The following LAMA2 variants were observed in gnomAD, a reference collection of about 807,000 sequenced individuals.
The protein encoded by LAMA2 is laminin subunit alpha-2.
LAMA2 carries 269 observed loss-of-function variants against 364.8 expected under a neutral mutation model. The observed-to-expected ratio is 0.74, with a 90% CI of 0.67 to 0.82. The LOEUF is 0.82. Ranked by LOEUF, LAMA2 falls within the 40% of genes least tolerant of loss-of-function variation. The pLI is 0.00. For missense variants in LAMA2, 3,807 were observed against 3,873.2 expected (o/e 0.98, Z 0.45); for synonymous variants, 1,379 against 1,370.6 (o/e 1.01, Z -0.14).
At chr6:128,899,616 A>T (rs547010506) in intron 1 of LAMA2, among the ~76,000 whole-genome samples, 4 of 152,218 alleles carry the variant, frequency 2.6e-5, no homozygotes, top group African/African-American at 9.6e-5. Flanking sequence ...TTTCCCCCTG[A>T]TCCTTTTATA....
At chr6:129,330,418 C>A (rs1775560455) in intron 29 of LAMA2, among the ~76,000 whole-genome samples, 2 of 151,644 alleles carry the variant, frequency 1.3e-5, no homozygotes, top group South Asian at 4.2e-4. Flanking sequence ...CCTTTAAATA[C>A]CCCACATCAT....
intron 27 of LAMA2, 34 bp downstream of exon 27, chr6:129,316,205 T>C (rs777679192): frequency 6.4e-7 from 1 of 1,553,172 alleles, no homozygotes; most frequent in Non-Finnish European, 8.9e-7. Context: ...AAGCTCTTAT[T>C]TTAGAGTCTG....
At chr6:128,932,520 G>A (rs11961488) in intron 1 of LAMA2, among the ~76,000 whole-genome samples, 19,411 of 152,048 alleles carry the variant, frequency 0.13, 1,558 homozygotes, top group African/African-American at 0.23. Flanking sequence ...TAAGTTCTAA[G>A]TTTCACTGTA....
Position 129,328,292 on chromosome 6 carries a change from A to T in LAMA2, c.4191A>T (p.Gly1397=). 1.9e-6 allele frequency: 3 copies of T among 1,613,980 alleles called. No individual in the cohort carries two copies. Among genetic ancestry groups the T allele is most frequent in the Non-Finnish European group, 2.5e-6 (3 of 1,179,980 alleles). ...TTTTCTTTCAGGCATGCTTGCCGGG[A>T]TTTTATCGACTGCGTTCTCAACCAG... is the stretch of plus-strand genomic sequence containing the variant. ...SGLSCEACLP[G]FYRLRSQPGG... is the part of the protein sequence containing the mutation. The change falls in exon 29 of 65, where the codon GGA becomes GGT. Residue 1397 remains glycine (G), a synonymous_variant. Coordinates refer to ENST00000421865, the MANE Select transcript of LAMA2 (RefSeq NM_000426.4).
chr6:129,180,850 G>A (rs1252597272), intron 10 of LAMA2, among the ~76,000 whole-genome samples: 1 of 152,096 alleles, frequency 6.6e-6, no homozygotes, highest in Non-Finnish European at 1.5e-5. Flanking sequence ...TGGAGGGTGG[G>A]AGACAAGTCT....
chr6:129,090,568 C>A (rs1435421626), intron 3 of LAMA2, among the ~76,000 whole-genome samples: 1 of 152,132 alleles, frequency 6.6e-6, no homozygotes, highest in East Asian at 1.9e-4. Context: ...TTCCTTGCAA[C>A]TTATTTTTTT....
intron 40 of LAMA2, among the ~76,000 whole-genome samples, chr6:129,418,828 A>G (rs974122613): frequency 5.3e-5 from 8 of 152,144 alleles, no homozygotes; most frequent in African/African-American, 1.9e-4. Flanking sequence ...TATAATAAAT[A>G]TAGTTTCCAA....
At chr6:129,187,106 A>G (rs747390882) in intron 10 of LAMA2, among the ~76,000 whole-genome samples, 1 of 151,846 alleles carries the variant, frequency 6.6e-6, no homozygotes, top group Non-Finnish European at 1.5e-5. Flanking sequence ...GCTGGGAATC[A>G]AAAAACTTTA....
chr6:129,226,867 G>T lies in LAMA2; in HGVS notation c.1783-23245G>T, dbSNP rs191070590. Reference sequence around the variant, plus strand: ...GGCATTCTCTGTGTTTCCTGAATTTGAATGTTGGCCTGCCTTGCTAGGTTG... The same window carrying T: ...GGCATTCTCTGTGTTTCCTGAATTTTAATGTTGGCCTGCCTTGCTAGGTTG... On this transcript the variant is annotated intron_variant, in intron 12 of 64. Transcript: ENST00000421865. Among the ~76,000 whole-genome samples, 454 of 152,228 alleles carry T rather than the reference G, an allele frequency of 3.0e-3. 1 individual carries two copies. The highest frequency in any genetic ancestry group is 0.011 in the African/African-American group (443 of 41,552).
chr6:129,383,425 A>G (rs1583621186), intron 35 of LAMA2, among the ~76,000 whole-genome samples, 192 bp downstream of exon 35: 1 of 152,352 alleles, frequency 6.6e-6, no homozygotes, highest in East Asian at 1.9e-4. Context: ...GTGTTAAATT[A>G]GCGACAATAG....
intron 22 of LAMA2, among the ~76,000 whole-genome samples, chr6:129,306,760 TTTTTA>T (rs1226057711): frequency 6.6e-6 from 1 of 152,118 alleles, no homozygotes; most frequent in Admixed American, 6.5e-5. Context: ...TTGAGTCTAT[TTTTTA>T]TTTTAAACAT....
intron 62 of LAMA2, 139 bp from the exon 63 acceptor site, chr6:129,512,224 C>A: frequency 3.9e-6 from 3 of 766,880 alleles, no homozygotes; most frequent in Non-Finnish European, 6.4e-6. Context: ...ATAGGCCAGG[C>A]AGGATCTGAA....
At position 129,063,648 on chromosome 6, in the gene LAMA2, C is replaced by A. The variant is rs150068113; in HGVS notation, c.396+3752C>A. 4.9e-4 allele frequency among the ~76,000 whole-genome samples: 75 copies of A among 152,266 alleles called. 1 individual carries two copies. Among genetic ancestry groups the A allele is most frequent in the African/African-American group, 1.7e-3 (69 of 41,572 alleles). ...TCTCCTCAATAAGCAATTCACTTCT[C>A]TTCCTGGTCTATCCCTCAAAACTAA... On this transcript the variant is annotated intron_variant, in intron 3 of 64. Coordinates refer to ENST00000421865, the MANE Select transcript of LAMA2 (RefSeq NM_000426.4).
At chr6:129,430,684 G>T (rs1227823793) in intron 41 of LAMA2, among the ~76,000 whole-genome samples, 3 of 152,030 alleles carry the variant, frequency 2.0e-5, no homozygotes, top group African/African-American at 7.3e-5. Flanking sequence ...ATTTTTTAAG[G>T]CCGGGCGCAG....
rs28815524 is a variant in LAMA2, at chr6:129,169,109, G to A, written c.1306+3434G>A. On this transcript the variant is annotated intron_variant, in intron 9 of 64. Coordinates refer to ENST00000421865, the MANE Select transcript of LAMA2 (RefSeq NM_000426.4). ...ATATACAATCATGTCGTCTGCAAAC[G>A]GGGACAATTTGACTTCCTCTTTTCC... is the stretch of plus-strand genomic sequence containing the variant. 3.8e-3 allele frequency among the ~76,000 whole-genome samples: 575 copies of A among 151,580 alleles called. 3 individuals are homozygous for A. Among genetic ancestry groups the A allele is most frequent in the African/African-American group, 0.012 (504 of 41,022 alleles).
chr6:128,946,307 C>A (rs1205212168), intron 1 of LAMA2, among the ~76,000 whole-genome samples: 1 of 152,140 alleles, frequency 6.6e-6, no homozygotes, highest in Non-Finnish European at 1.5e-5. Flanking sequence ...GCCTAGCCTA[C>A]CTTTAACATA....
chr6:129,134,869 G>A (rs919890631), intron 4 of LAMA2, among the ~76,000 whole-genome samples: 1 of 152,178 alleles, frequency 6.6e-6, no homozygotes, highest in Non-Finnish European at 1.5e-5. Context: ...TCAGCATAGA[G>A]CTTTCCTTCT....
intron 12 of LAMA2, among the ~76,000 whole-genome samples, chr6:129,232,387 A>G (rs1048560461): frequency 6.6e-6 from 1 of 152,088 alleles, no homozygotes; most frequent in African/African-American, 2.4e-5. Flanking sequence ...CAGAATTTTA[A>G]ATGTAAGCCT....
At chr6:129,055,596 G>C (rs1355684940) in intron 2 of LAMA2, among the ~76,000 whole-genome samples, 3 of 152,096 alleles carry the variant, frequency 2.0e-5, no homozygotes, top group Non-Finnish European at 2.9e-5. Context: ...TAAAAATCTA[G>C]CAATCAACTG....
Sources: allele counts gnomAD v4.1 joint callset (sites outside exome capture counted in the v4.1 genomes callset), GRCh38; gene constraint gnomAD v4.1.1; transcripts MANE v1.5; gene names NCBI Gene and HGNC (gene_info 2026-07-23, HGNC 2026-07-21).